Variants in GALNT13 observed in about 807,000 individuals in gnomAD.
The protein encoded by GALNT13 is polypeptide N-acetylgalactosaminyltransferase 13.
A neutral mutation model predicts 64.2 loss-of-function variants in GALNT13; 28 were observed. The observed-to-expected ratio is 0.44, with a 90% CI of 0.32 to 0.60. GALNT13 has a LOEUF of 0.60. Among genes scored for constraint, GALNT13 ranks in the 20% least tolerant of loss-of-function variants. The probability of loss-of-function intolerance (pLI) is 0.05; values close to 1 mark genes in which losing one functional copy is unlikely to be tolerated. For synonymous variants in GALNT13, 214 were observed against 224.6 expected, an observed-to-expected ratio of 0.95 and a Z score of 0.42; for missense variants, 577 against 669.8, an observed-to-expected ratio of 0.86 and a Z score of 1.53.
chr2:154,140,434 C>G lies in GALNT13; in HGVS notation c.240C>G (p.Ile80Met). ...DQEKMKELFK[I>M]NQFNLMASDL... ...AGAAAATGAAAGAGCTGTTTAAAATCAATCAGTTTAACCTTATGGCCAGTG... is the reference window on the plus strand; with the variant it reads ...AGAAAATGAAAGAGCTGTTTAAAATGAATCAGTTTAACCTTATGGCCAGTG... The change falls in exon 4 of 13, where the codon ATC (isoleucine) becomes ATG (methionine). Residue 80 changes from isoleucine to methionine, a missense_variant. Physicochemically the swap from Ile to Met is conservative, Grantham distance 10. Around this residue, in one of 3 missense-constraint regions of GALNT13, gnomAD observed 341 missense variants for 379.3 expected, o/e 0.90. Transcript: ENST00000392825. 1 of 1,612,416 alleles carries G rather than the reference C, an allele frequency of 6.2e-7. No individual in the cohort carries two copies. The highest frequency in any genetic ancestry group is 8.5e-7 in the Non-Finnish European group (1 of 1,178,698).
the GALNT13 span, among the ~76,000 whole-genome samples, chr2:153,399,175 T>C: frequency 6.9e-6 from 1 of 144,758 alleles, no homozygotes; most frequent in Non-Finnish European, 1.5e-5. Flanking sequence ...ATTTATTAAA[T>C]AGGGAATCCT....
At chr2:153,951,788 T>C (rs1040571868) in intron 3 of GALNT13, among the ~76,000 whole-genome samples, 6 of 152,156 alleles carry the variant, frequency 3.9e-5, no homozygotes, top group Admixed American at 3.3e-4. Flanking sequence ...TTAATGGACA[T>C]TTTTCTAAAA....
At chr2:154,240,609 C>T (rs963572675) in intron 4 of GALNT13, among the ~76,000 whole-genome samples, 3 of 152,142 alleles carry the variant, frequency 2.0e-5, no homozygotes, top group African/African-American at 4.8e-5. Context: ...TATGGACGGA[C>T]GGGCAGGTTG....
At chr2:153,853,812 A>T in the GALNT13 span, among the ~76,000 whole-genome samples, 4 of 151,396 alleles carry the variant, frequency 2.6e-5, no homozygotes. Context: ...ATTCTAGAAC[A>T]TACAGTTCTA....
intron 2 of GALNT13, among the ~76,000 whole-genome samples, chr2:153,920,596 C>T (rs1689687074): frequency 6.6e-6 from 1 of 151,970 alleles, no homozygotes; most frequent in South Asian, 2.1e-4. Context: ...AACAAAGATC[C>T]CAAAACCACT....
chr2:153,321,660 T>A, the GALNT13 span, among the ~76,000 whole-genome samples: 2 of 152,160 alleles, frequency 1.3e-5, no homozygotes, highest in African/African-American at 4.8e-5. Flanking sequence ...AAGAGATAAT[T>A]TATCTAACCA....
chr2:154,424,354 C>G (rs1700381335), intron 11 of GALNT13, among the ~76,000 whole-genome samples: 1 of 152,022 alleles, frequency 6.6e-6, no homozygotes. Flanking sequence ...CCTTTGCAAA[C>G]CTCATAATCC....
chr2:153,681,935 A>G, the GALNT13 span, among the ~76,000 whole-genome samples: 27 of 151,864 alleles, frequency 1.8e-4, no homozygotes, highest in African/African-American at 6.5e-4. Context: ...TCGGGAGATT[A>G]TTCTTGATTA....
At chr2:154,057,679 G>A (rs979072971) in intron 3 of GALNT13, among the ~76,000 whole-genome samples, 1 of 152,126 alleles carries the variant, frequency 6.6e-6, no homozygotes, top group African/African-American at 2.4e-5. Context: ...AGAGAGCAAT[G>A]GCAAGGGAAT....
Position 154,161,874 on chromosome 2 carries a change from G to A in GALNT13, c.311+21369G>A, listed in dbSNP as rs544601603. On this transcript the variant is annotated intron_variant, in intron 4 of 12. Coordinates refer to ENST00000392825, the MANE Select transcript of GALNT13 (RefSeq NM_052917.4). ...CAGCTCACTGCAAGCTCCACCTCCC[G>A]GGTTCACACCATTCTCCTGCCTCAG... 2.6e-5 allele frequency among the ~76,000 whole-genome samples: 4 copies of A among 151,658 alleles called. No homozygotes were observed. In the South Asian group the frequency reaches 8.3e-4, roughly 32 times the overall value.
intron 12 of GALNT13, chr2:154,446,750 C>T (rs1025734963): frequency 6.6e-7 from 1 of 1,522,420 alleles, no homozygotes; most frequent in East Asian, 2.5e-5. Flanking sequence ...ATTACATTCT[C>T]TAATGATTTT....
the GALNT13 span, among the ~76,000 whole-genome samples, chr2:153,161,494 G>A: frequency 6.6e-6 from 1 of 152,140 alleles, no homozygotes; most frequent in Admixed American, 6.5e-5. Flanking sequence ...ATCAAAGTAA[G>A]GGGATCAGGA....
chr2:153,736,702 C>T, the GALNT13 span, among the ~76,000 whole-genome samples: 1 of 152,274 alleles, frequency 6.6e-6, no homozygotes, highest in South Asian at 2.1e-4. Context: ...CTGACACATC[C>T]AAGTTGAACC....
chr2:153,458,638 C>G, the GALNT13 span, among the ~76,000 whole-genome samples: 1 of 152,112 alleles, frequency 6.6e-6, no homozygotes, highest in Non-Finnish European at 1.5e-5. Context: ...CGGACAGATT[C>G]TAGGCTTCAT....
intron 3 of GALNT13, among the ~76,000 whole-genome samples, chr2:153,960,991 A>T (rs186142394): frequency 5.8e-4 from 89 of 152,280 alleles, no homozygotes; most frequent in African/African-American, 2.1e-3. Flanking sequence ...TTGAGTTTAG[A>T]TATTATTTTT....
the GALNT13 span, among the ~76,000 whole-genome samples, chr2:153,852,406 A>C: frequency 1.3e-5 from 2 of 152,216 alleles, no homozygotes; most frequent in Non-Finnish European, 2.9e-5. Flanking sequence ...TTTTTAGTTA[A>C]TGATATTTTC....
the GALNT13 span, among the ~76,000 whole-genome samples, chr2:153,231,443 T>G: frequency 2.6e-5 from 4 of 152,194 alleles, no homozygotes; most frequent in African/African-American, 9.7e-5. Context: ...TGTTTAAAGA[T>G]TTTGCACTGC....
the GALNT13 span, among the ~76,000 whole-genome samples, chr2:153,073,193 A>G: frequency 6.6e-6 from 1 of 152,074 alleles, no homozygotes; most frequent in Non-Finnish European, 1.5e-5. Flanking sequence ...TAAGATATTT[A>G]CCTATATTTA....
chr2:153,585,456 T>C, the GALNT13 span, among the ~76,000 whole-genome samples: 41 of 152,196 alleles, frequency 2.7e-4, no homozygotes, highest in African/African-American at 9.4e-4. Flanking sequence ...ACTCATGAAT[T>C]ATTTGTATTT....
Sources: gnomAD v4.1 joint callset for allele counts (sites outside exome capture counted in the v4.1 genomes callset) on GRCh38, gnomAD v4.1.1 for gene constraint, gnomAD v4.1.1 regional missense constraint, MANE v1.5 for transcripts, NCBI Gene and HGNC (gene_info 2026-07-23, HGNC 2026-07-21) for gene names.